The following KCNIP4 variants were observed in gnomAD, a reference collection of about 807,000 sequenced individuals.
The protein encoded by KCNIP4 is Kv channel-interacting protein 4.
Under a neutral mutation model 34.0 loss-of-function variants are expected in KCNIP4, and 12 were observed. The observed-to-expected ratio is 0.35, with a 90% CI of 0.23 to 0.57. The LOEUF (loss-of-function observed/expected upper bound fraction) is 0.57, where lower values mean the gene tolerates loss of function less well. Ranked by LOEUF, KCNIP4 falls within the 20% of genes least tolerant of loss-of-function variation. The pLI is 0.83. For missense variants in KCNIP4, 238 were observed against 311.7 expected (o/e 0.76, Z 1.78); for synonymous variants, 124 against 102.2 (o/e 1.21, Z -1.29).
intron 2 of KCNIP4, among the ~76,000 whole-genome samples, chr4:20,881,341 A>G (rs1724658467): frequency 6.6e-6 from 1 of 152,176 alleles, no homozygotes; most frequent in Non-Finnish European, 1.5e-5. Flanking sequence ...TAAATCACTA[A>G]TTGAATCCAT....
At chr4:21,198,938 C>T (rs989732826) in intron 1 of KCNIP4, among the ~76,000 whole-genome samples, 1 of 151,980 alleles carries the variant, frequency 6.6e-6, no homozygotes, top group Admixed American at 6.6e-5. Context: ...ACTGATCTGG[C>T]GCTGTCCTTT....
intron 1 of KCNIP4, among the ~76,000 whole-genome samples, chr4:21,256,912 C>T (rs1453570330): frequency 6.6e-6 from 1 of 152,112 alleles, no homozygotes; most frequent in East Asian, 1.9e-4. Context: ...GCTGAATGTG[C>T]TTTCTAAGGT....
At chr4:21,064,827 A>T (rs1276744875) in intron 1 of KCNIP4, among the ~76,000 whole-genome samples, 2 of 152,210 alleles carry the variant, frequency 1.3e-5, no homozygotes, top group African/African-American at 2.4e-5. Flanking sequence ...ATGTGAAATC[A>T]CTTTGAAAAA....
intron 1 of KCNIP4, among the ~76,000 whole-genome samples, chr4:21,310,171 T>C (rs780568734): frequency 1.3e-5 from 2 of 151,862 alleles, no homozygotes; most frequent in Non-Finnish European, 2.9e-5. Flanking sequence ...TAGCTGGGAG[T>C]GCAGGCGTGC....
chr4:21,863,517 T>C (rs557985739), intron 1 of KCNIP4, among the ~76,000 whole-genome samples: 1 of 152,048 alleles, frequency 6.6e-6, no homozygotes, highest in Admixed American at 6.5e-5. Context: ...GATAGATAGA[T>C]GGGGAGGGGG....
chr4:21,813,031 G>A, intron 1 of KCNIP4, among the ~76,000 whole-genome samples: 1 of 152,154 alleles, frequency 6.6e-6, no homozygotes, highest in East Asian at 1.9e-4. Flanking sequence ...GTGCCCCCAA[G>A]AGGCTACATC....
At chr4:21,231,263 A>G (rs917175988) in intron 1 of KCNIP4, among the ~76,000 whole-genome samples, 2 of 152,188 alleles carry the variant, frequency 1.3e-5, no homozygotes, top group African/African-American at 4.8e-5. Flanking sequence ...TCTTAATGCA[A>G]AAAAATTAAG....
At position 21,661,302 on chromosome 4, in the gene KCNIP4, T is replaced by C. The variant is rs112106610; in HGVS notation, c.61+287269A>G. ...TTCTTCCTGGACACTGGACAAGAATTTGGGAGGCAGTGGGTACGGGAACCC... is the reference window on the plus strand; with the variant it reads ...TTCTTCCTGGACACTGGACAAGAATCTGGGAGGCAGTGGGTACGGGAACCC... On this transcript the variant is annotated intron_variant, in intron 1 of 8. Coordinates refer to ENST00000382152, the MANE Select transcript of KCNIP4 (RefSeq NM_025221.6). 1.2e-3 allele frequency among the ~76,000 whole-genome samples: 177 copies of C among 152,248 alleles called. 2 individuals carry two copies. The highest frequency in any genetic ancestry group is 4.0e-3 in the African/African-American group (168 of 41,540).
At chr4:21,594,820 T>C (rs1742500452) in intron 1 of KCNIP4, among the ~76,000 whole-genome samples, 1 of 136,838 alleles carries the variant, frequency 7.3e-6, no homozygotes, top group Non-Finnish European at 1.6e-5. Flanking sequence ...ACAATGGAAG[T>C]ATACTGTCTC....
rs6817481 is a variant in KCNIP4, at chr4:20,759,896, T to C, written c.289-1006A>G. On this transcript the variant is annotated intron_variant, in intron 3 of 8. Coordinates refer to ENST00000382152, the MANE Select transcript of KCNIP4 (RefSeq NM_025221.6). ...GTGATCCCTTGTTATCCTTGGGGCA[T>C]TGCTTCCAGGACCACCGCGGATACC... Among the ~76,000 whole-genome samples the C allele has an allele frequency of 3.8e-3, 582 of 152,080 alleles. 3 individuals are homozygous for C. The highest frequency in any genetic ancestry group is 0.012 in the African/African-American group (510 of 41,490).
intron 1 of KCNIP4, among the ~76,000 whole-genome samples, chr4:21,787,546 A>T (rs1719994060): frequency 6.6e-6 from 1 of 152,202 alleles, no homozygotes; most frequent in South Asian, 2.1e-4. Context: ...AGTTATTATT[A>T]TCCTAATTTT....
intron 1 of KCNIP4, among the ~76,000 whole-genome samples, chr4:21,757,929 C>T (rs903938781): frequency 6.6e-6 from 1 of 152,122 alleles, no homozygotes; most frequent in Non-Finnish European, 1.5e-5. Context: ...TGGTGTGTGA[C>T]TCCTAACTAC....
intron 1 of KCNIP4, among the ~76,000 whole-genome samples, chr4:21,946,203 G>A (rs1043054035): frequency 6.6e-6 from 1 of 151,596 alleles, no homozygotes; most frequent in African/African-American, 2.4e-5. Context: ...TCTAAGTCAG[G>A]TCATAAAATA....
intron 1 of KCNIP4, among the ~76,000 whole-genome samples, chr4:21,468,013 C>T (rs1730141346): frequency 6.6e-6 from 1 of 152,084 alleles, no homozygotes. Flanking sequence ...ACAAATTCTG[C>T]CCCAGAGGAT....
chr4:21,816,134 A>G (rs2109279463), intron 1 of KCNIP4, among the ~76,000 whole-genome samples: 1 of 152,314 alleles, frequency 6.6e-6, no homozygotes, highest in African/African-American at 2.4e-5. Flanking sequence ...CATTTAAAAG[A>G]GCAACTGTAA....
At position 21,599,345 on chromosome 4, in the gene KCNIP4, T is replaced by C. The variant is rs529880066; in HGVS notation, c.61+349226A>G. ...TGTTTTTAAAATAAAGTTTCTATTA[T>C]AATAATTATGATTTACTATTTTTAT... On this transcript the variant is annotated intron_variant, in intron 1 of 8. Coordinates refer to ENST00000382152, the MANE Select transcript of KCNIP4 (RefSeq NM_025221.6). Among the ~76,000 whole-genome samples the C allele has an allele frequency of 2.0e-5, 3 of 152,220 alleles. No homozygotes were observed. The South Asian group carries it at 6.2e-4, about 32-fold the overall frequency.
chr4:21,877,752 C>T (rs78760300), intron 1 of KCNIP4, among the ~76,000 whole-genome samples: 1 of 152,164 alleles, frequency 6.6e-6, no homozygotes, highest in African/African-American at 2.4e-5. Flanking sequence ...CTTCCTGGAC[C>T]ACCAGGTGTT....
chr4:20,815,542 ATAT>A (rs1408565098), intron 3 of KCNIP4, among the ~76,000 whole-genome samples: 1 of 152,188 alleles, frequency 6.6e-6, no homozygotes, highest in African/African-American at 2.4e-5. Context: ...TGTGGGTCTC[ATAT>A]AATATACTCC....
chr4:21,348,075 G>C (rs544874684), intron 1 of KCNIP4, among the ~76,000 whole-genome samples: 5 of 152,276 alleles, frequency 3.3e-5, no homozygotes, highest in Non-Finnish European at 5.9e-5. Context: ...AAGGCCAGCT[G>C]TGTGGCCTGG....
Sources: allele counts gnomAD v4.1 joint callset (sites outside exome capture counted in the v4.1 genomes callset), GRCh38; gene constraint gnomAD v4.1.1; transcripts MANE v1.5; gene names NCBI Gene and HGNC (gene_info 2026-07-23, HGNC 2026-07-21).